Variants in NEU3 observed in about 807,000 individuals in gnomAD.
The protein encoded by NEU3 is sialidase-3.
A neutral mutation model predicts 11.4 loss-of-function variants in NEU3; 10 were observed. The ratio of observed to expected loss-of-function variants is 0.88; its 90% confidence interval spans 0.54 to 1.49. NEU3 has a LOEUF of 1.49. Among genes scored for constraint, NEU3 ranks in the 40% most tolerant of loss-of-function variants. The pLI is 0.00. For missense variants in NEU3, 529 were observed against 581.8 expected, an observed-to-expected ratio of 0.91 and a Z score of 0.93; for synonymous variants, 212 against 228.2, an observed-to-expected ratio of 0.93 and a Z score of 0.64.
chr11:74,987,038 T>C (rs1369522059), upstream of NEU3, among the ~76,000 whole-genome samples: 1 of 152,242 alleles, frequency 6.6e-6, no homozygotes, highest in Non-Finnish European at 1.5e-5. Flanking sequence ...GGTGTAGCTT[T>C]TAGTAGCTAT....
chr11:74,988,959 G>A lies in NEU3; in HGVS notation c.-102G>A. ...GTCGACACGCTCTTCGCTTCTCGGG[G>A]CTTGTCTCCGTGTCCTCCGTCTCAG... On this transcript the variant is annotated 5_prime_UTR_variant, in exon 1 of 3. Transcript: ENST00000294064. 2.3e-6 allele frequency: 2 copies of A among 881,032 alleles called. No individual in the cohort carries two copies. The highest frequency in any genetic ancestry group is 1.8e-6 in the Non-Finnish European group (1 of 565,950). The allele number at this position is 881,032 out of a possible 1,614,324, so 54.6% of individuals were successfully genotyped here.
the NEU3 span, among the ~76,000 whole-genome samples, chr11:74,982,882 C>T: frequency 1.3e-5 from 2 of 152,124 alleles, no homozygotes; most frequent in Non-Finnish European, 2.9e-5. Flanking sequence ...GCAGGCTAGC[C>T]TCTTCCACCT....
At chr11:74,984,798 CAGT>C (rs1196382770), upstream of NEU3, among the ~76,000 whole-genome samples, 7 of 152,136 alleles carry the variant, frequency 4.6e-5, no homozygotes, top group Non-Finnish European at 1.0e-4. Context: ...AATCTGAACA[CAGT>C]AGAAGGAGGT....
Position 74,994,506 on chromosome 11 carries a change from C to T in NEU3, c.95-3C>T. 6.2e-7 allele frequency: 1 copy of T among 1,600,912 alleles called. No homozygotes were observed. The highest frequency in any genetic ancestry group is 8.5e-7 in the Non-Finnish European group (1 of 1,172,064). On this transcript the variant is annotated splice_polypyrimidine_tract_variant and splice_region_variant and intron_variant, in intron 1 of 2. Transcript: ENST00000294064. ...CACATTAAGCTTCCTTCTATCCTTG[C>T]AGAGGTCATGGAAGAAGTGACAACA...
intron 2 of NEU3, among the ~76,000 whole-genome samples, chr11:74,995,674 A>G (rs929072353): frequency 7.2e-5 from 11 of 152,200 alleles, no homozygotes; most frequent in African/African-American, 2.7e-4. Flanking sequence ...ATACTGCTGA[A>G]AAGTGCTAAT....
At chr11:74,985,174 TAAAG>T (rs1027724845), upstream of NEU3, among the ~76,000 whole-genome samples, 17 of 152,274 alleles carry the variant, frequency 1.1e-4, no homozygotes, top group South Asian at 2.1e-4. Flanking sequence ...AGAAGTCTGA[TAAAG>T]AACCCCAGGA....
upstream of NEU3, among the ~76,000 whole-genome samples, chr11:74,987,881 T>C (rs1454072369): frequency 1.0e-4 from 14 of 135,490 alleles, no homozygotes; most frequent in East Asian, 2.8e-3. Context: ...TCTCTGGTTC[T>C]AGGCCTTTTT....
chr11:74,997,778 G>T (rs367592763), intron 2 of NEU3, among the ~76,000 whole-genome samples: 2 of 151,360 alleles, frequency 1.3e-5, no homozygotes, highest in Non-Finnish European at 2.9e-5. Flanking sequence ...CAGGAGAATC[G>T]CTTGAACACA....
chr11:75,000,516 T>C (rs764369314), intron 2 of NEU3, among the ~76,000 whole-genome samples: 6 of 152,208 alleles, frequency 3.9e-5, no homozygotes, highest in Non-Finnish European at 8.8e-5. Flanking sequence ...ATTTCACTTA[T>C]ATAATGTCCT....
chr11:75,005,882 G>A lies in NEU3; in HGVS notation c.776G>A (p.Cys259Tyr), dbSNP rs1347414913. The A allele has an allele frequency of 1.2e-6, 2 of 1,613,780 alleles. No homozygotes were observed. Among genetic ancestry groups the A allele is most frequent in the Non-Finnish European group, 8.5e-7 (1 of 1,179,884 alleles). ...RLIRPMVTVE[C>Y]EVAEVTGRAG... ...ATTAGGCCCATGGTTACAGTAGAATGTGAAGTGGCAGAGGTGACTGGGAGG... is the reference window on the plus strand; with the variant it reads ...ATTAGGCCCATGGTTACAGTAGAATATGAAGTGGCAGAGGTGACTGGGAGG... The change falls in exon 3 of 3, where the codon TGT becomes TAT. Residue 259 changes from cysteine (C) to tyrosine (Y), a missense_variant. By Grantham distance (194) the Cys-to-Tyr change is radical. Coordinates refer to ENST00000294064, the MANE Select transcript of NEU3 (RefSeq NM_006656.6).
chr11:74,988,764 G>T (rs1948694630), upstream of NEU3: 1 of 455,860 alleles, frequency 2.2e-6, no homozygotes, highest in Non-Finnish European at 3.9e-6. Context: ...GAGGGTGGAG[G>T]TGGTGCCGGT....
intron 2 of NEU3, among the ~76,000 whole-genome samples, chr11:75,004,030 C>CTTGAAGCAATAA: frequency 6.6e-6 from 1 of 152,286 alleles, no homozygotes; most frequent in South Asian, 2.1e-4. Context: ...TCAAGCAATG[C>CTTGAAGCAATAA]TACATTTGAA....
At chr11:74,986,868 CT>C (rs1405317677), upstream of NEU3, among the ~76,000 whole-genome samples, 4 of 152,116 alleles carry the variant, frequency 2.6e-5, no homozygotes, top group Admixed American at 2.6e-4. Flanking sequence ...TAACTCATTA[CT>C]GTTTTGTTGT....
chr11:74,992,675 G>T (rs1451641856), intron 1 of NEU3, among the ~76,000 whole-genome samples: 1 of 152,068 alleles, frequency 6.6e-6, no homozygotes, highest in East Asian at 1.9e-4. Flanking sequence ...ATATAACAAA[G>T]CCGGCCGGGC....
chr11:75,017,584 A>C (rs1948986374), intron 3 of NEU3, among the ~76,000 whole-genome samples: 1 of 152,186 alleles, frequency 6.6e-6, no homozygotes, highest in Non-Finnish European at 1.5e-5. Flanking sequence ...TGTCCGAGGT[A>C]GGCTAATCAT....
chr11:75,004,185 A>G (rs1948874593), intron 2 of NEU3: 2 of 454,634 alleles, frequency 4.4e-6, no homozygotes, highest in South Asian at 2.3e-5. Flanking sequence ...CAATCCATAT[A>G]TGAAAGTCCA....
At position 75,006,039 on chromosome 11, in the gene NEU3, T is replaced by C; in HGVS notation, c.933T>C (p.Gly311=). The C allele has an allele frequency of 2.5e-6, 4 of 1,613,936 alleles. No homozygotes were observed. The highest frequency in any genetic ancestry group is 3.4e-6 in the Non-Finnish European group (4 of 1,179,870). Residue 311 remains glycine (G), a synonymous_variant, in exon 3 of 3, where the codon GGT becomes GGC. Coordinates refer to ENST00000294064, the MANE Select transcript of NEU3 (RefSeq NM_006656.6). ...GACAGCTCTGTGAGCCCCCACATGG[T>C]TGCCAAGGGAGTGTGGTAAGTTTCC... The part of the protein sequence containing the change: ...LSRQLCEPPH[G]CQGSVVSFRP...
At chr11:74,982,891 C>T in the NEU3 span, among the ~76,000 whole-genome samples, 3 of 152,092 alleles carry the variant, frequency 2.0e-5, no homozygotes, top group Non-Finnish European at 4.4e-5. Flanking sequence ...CCTCTTCCAC[C>T]TCCTCCTTCC....
chr11:74,990,630 G>A (rs1948721450), intron 1 of NEU3, among the ~76,000 whole-genome samples: 1 of 152,120 alleles, frequency 6.6e-6, no homozygotes, highest in African/African-American at 2.4e-5. Flanking sequence ...AGAGTGGTGG[G>A]AATATAGGCA....
Sources: allele counts gnomAD v4.1 joint callset (sites outside exome capture counted in the v4.1 genomes callset), GRCh38; gene constraint gnomAD v4.1.1; transcripts MANE v1.5; gene names NCBI Gene and HGNC (gene_info 2026-07-23, HGNC 2026-07-21).